Variants in CTNNA2 observed in about 807,000 individuals in gnomAD.
CTNNA2 encodes the protein catenin alpha 2.
In CTNNA2, 42 loss-of-function variants were observed where a neutral mutation model predicts 101.0. The ratio of observed to expected loss-of-function variants is 0.42; its 90% CI spans 0.32 to 0.54. The LOEUF is 0.54. CTNNA2 is among the 20% of genes least tolerant of loss of function. The pLI, the probability that CTNNA2 is intolerant of heterozygous loss-of-function variation, is 0.14. For missense variants in CTNNA2, 871 were observed against 1,223.1 expected, an observed-to-expected ratio of 0.71 and a Z score of 4.29; for synonymous variants, 450 against 456.4, an observed-to-expected ratio of 0.99 and a Z score of 0.18.
intron 4 of CTNNA2, among the ~76,000 whole-genome samples, chr2:79,503,915 G>A (rs961796623): frequency 5.3e-5 from 8 of 152,150 alleles, no homozygotes; most frequent in Non-Finnish European, 1.0e-4. Context: ...TTACCAAGGA[G>A]AAGTTGAGTT....
At chr2:80,414,761 T>C (rs559983119) in intron 8 of CTNNA2, among the ~76,000 whole-genome samples, 1 of 152,304 alleles carries the variant, frequency 6.6e-6, no homozygotes, top group East Asian at 1.9e-4. Flanking sequence ...AACTGACAGG[T>C]CAATCTTTCT....
intron 1 of CTNNA2, among the ~76,000 whole-genome samples, chr2:79,599,174 A>G (rs1677390651): frequency 6.6e-6 from 1 of 152,050 alleles, no homozygotes; most frequent in South Asian, 2.1e-4. Context: ...CTCTCCTTTT[A>G]CTAATACCAC....
chr2:80,543,482 C>A (rs971381686), intron 9 of CTNNA2, among the ~76,000 whole-genome samples: 2 of 152,186 alleles, frequency 1.3e-5, no homozygotes, highest in African/African-American at 4.8e-5. Context: ...TCTCCTAGTA[C>A]ATTTTCTCAC....
chr2:79,314,870 G>T (rs1046132124), intron 3 of CTNNA2, among the ~76,000 whole-genome samples: 7 of 152,182 alleles, frequency 4.6e-5, no homozygotes, highest in African/African-American at 1.7e-4. Context: ...TGTGAATACT[G>T]TTGGTAGTGC....
At chr2:80,346,936 G>A (rs1334345374) in intron 7 of CTNNA2, among the ~76,000 whole-genome samples, 2 of 152,200 alleles carry the variant, frequency 1.3e-5, no homozygotes, top group Admixed American at 6.5e-5. Context: ...ACTTCTTAAG[G>A]AAAATGGTCT....
intron 3 of CTNNA2, among the ~76,000 whole-genome samples, chr2:79,807,924 A>C (rs1676706060): frequency 6.6e-6 from 1 of 152,198 alleles, no homozygotes; most frequent in Non-Finnish European, 1.5e-5. Flanking sequence ...TTATAAGTAG[A>C]TAACCTAAAC....
Position 79,651,534 on chromosome 2 carries a change from T to C in CTNNA2, c.-5-18T>C, listed in dbSNP as rs763467447. The C allele has an allele frequency of 2.5e-6, 4 of 1,596,484 alleles. No individual in the cohort carries two copies. Among genetic ancestry groups the C allele is most frequent in the Admixed American group, 1.7e-5 (1 of 59,864 alleles). On this transcript the variant is annotated intron_variant, in intron 1 of 18. Coordinates refer to ENST00000402739, the MANE Select transcript of CTNNA2 (RefSeq NM_001282597.3). Reference sequence around the variant, plus strand: ...TTCAAAGATGATTATTTCTAACTGATTACATGTGTTCCCATAGGGAGCATG... The same window carrying C: ...TTCAAAGATGATTATTTCTAACTGACTACATGTGTTCCCATAGGGAGCATG...
chr2:80,606,666 T>G (rs1698057283), intron 16 of CTNNA2, among the ~76,000 whole-genome samples: 1 of 152,104 alleles, frequency 6.6e-6, no homozygotes, highest in African/African-American at 2.4e-5. Context: ...ATGTGTATTT[T>G]AACTGCTTTG....
chr2:79,717,799 A>T (rs1488349520), intron 2 of CTNNA2, among the ~76,000 whole-genome samples: 2 of 152,158 alleles, frequency 1.3e-5, no homozygotes, highest in East Asian at 3.9e-4. Flanking sequence ...AACGTCAGAG[A>T]CTGTATGGGA....
At chr2:79,669,751 A>G (rs908812878) in intron 2 of CTNNA2, among the ~76,000 whole-genome samples, 18 of 152,102 alleles carry the variant, frequency 1.2e-4, no homozygotes, top group African/African-American at 4.3e-4. Context: ...CTGGTCAAGG[A>G]TGGTCCTGTC....
intron 2 of CTNNA2, among the ~76,000 whole-genome samples, chr2:79,309,073 C>T (rs1676309498): frequency 6.6e-6 from 1 of 151,968 alleles, no homozygotes; most frequent in Non-Finnish European, 1.5e-5. Context: ...CCAGACTGTT[C>T]TCTTGGTCTA....
chr2:79,567,917 C>T (rs1675216141), intron 1 of CTNNA2, among the ~76,000 whole-genome samples: 1 of 152,126 alleles, frequency 6.6e-6, no homozygotes, highest in Non-Finnish European at 1.5e-5. Flanking sequence ...ATTACTGAGC[C>T]AGAGAAGACT....
intron 2 of CTNNA2, among the ~76,000 whole-genome samples, chr2:79,208,664 T>A (rs1163197183): frequency 6.6e-6 from 1 of 152,196 alleles, no homozygotes; most frequent in Non-Finnish European, 1.5e-5. Context: ...AAGCTACACA[T>A]CTTCTTTCAG....
At chr2:79,869,616 A>G (rs924095604) in intron 4 of CTNNA2, among the ~76,000 whole-genome samples, 200 bp from the exon 5 acceptor site, 17 of 152,178 alleles carry the variant, frequency 1.1e-4, no homozygotes, top group African/African-American at 3.9e-4. Flanking sequence ...GCTTTTTTAT[A>G]TACAAAATAT....
chr2:80,294,015 A>G (rs1192960882), intron 7 of CTNNA2, among the ~76,000 whole-genome samples: 1 of 152,102 alleles, frequency 6.6e-6, no homozygotes, highest in Non-Finnish European at 1.5e-5. Flanking sequence ...TTTTCCAGGA[A>G]TCCTCCTAAA....
chr2:79,627,924 T>C (rs1012933263), intron 1 of CTNNA2, among the ~76,000 whole-genome samples: 1 of 152,226 alleles, frequency 6.6e-6, no homozygotes, highest in Non-Finnish European at 1.5e-5. Flanking sequence ...TGAATAGCCT[T>C]GACACTGTGC....
rs116688628 is a variant in CTNNA2, at chr2:80,538,843, C to A, written c.1291-6139C>A. 5.9e-3 allele frequency among the ~76,000 whole-genome samples: 900 copies of A among 152,290 alleles called. 14 individuals are homozygous for A. The highest frequency in any genetic ancestry group is 0.02 in the African/African-American group (847 of 41,546). On this transcript the variant is annotated intron_variant, in intron 9 of 18. Transcript: ENST00000402739. ...TATGGCAATTTTCACGATACTGATT[C>A]TTCCTGTCCACGAGCATGGACTGTT...
At chr2:80,556,027 C>T (rs907654779) in intron 12 of CTNNA2, 134 bp downstream of exon 12, 1 of 529,484 alleles carries the variant, frequency 1.9e-6, no homozygotes, top group African/African-American at 2.0e-5. Flanking sequence ...GGGTGGAATA[C>T]TTGAGTGTTC....
At chr2:79,532,882 C>T (rs76097880) in intron 1 of CTNNA2, among the ~76,000 whole-genome samples, 4,436 of 152,068 alleles carry the variant, frequency 0.029, 123 homozygotes, top group Middle Eastern at 0.097. Flanking sequence ...CTTAGCCTAC[C>T]GTAACTCACG....
Sources: gnomAD v4.1 joint callset for allele counts (sites outside exome capture counted in the v4.1 genomes callset) on GRCh38, gnomAD v4.1.1 for gene constraint, MANE v1.5 for transcripts, NCBI Gene and HGNC (gene_info 2026-07-23, HGNC 2026-07-21) for gene names.